The following ELOF1 variants were observed in gnomAD, a reference collection of about 807,000 sequenced individuals.
ELOF1 encodes transcription elongation factor 1 homolog.
ELOF1 carries 4 observed loss-of-function variants against 7.1 expected under a neutral mutation model. The observed-to-expected ratio is 0.56, with a 90% confidence interval of 0.28 to 1.29. ELOF1 has a LOEUF of 1.29. Among genes scored for constraint, ELOF1 ranks in the 50% most tolerant of loss-of-function variants. ELOF1 has a pLI of 0.10. For synonymous variants in ELOF1, 31 were observed against 31.9 expected (o/e 0.97, Z 0.09); for missense variants, 59 against 86.3 (o/e 0.68, Z 1.25).
At chr19:11,553,582 TACAC>T (rs57015096) in intron 3 of ELOF1, 72,532 of 594,622 alleles carry the variant, frequency 0.12, 1,597 homozygotes, top group South Asian at 0.14. Flanking sequence ...GCACACCCAC[TACAC>T]ACACACACAC....
intron 3 of ELOF1, chr19:11,553,667 CT>C (rs1419449635): frequency 1.3e-6 from 2 of 1,571,462 alleles, no homozygotes; most frequent in African/African-American, 2.7e-5. Flanking sequence ...CCCTGGACCC[CT>C]GGAATGTCTC....
intron 3 of ELOF1, chr19:11,553,392 G>T (rs770554948): frequency 2.2e-6 from 1 of 461,840 alleles, no homozygotes; most frequent in African/African-American, 1.9e-5. Flanking sequence ...GAGCCCCAAG[G>T]CTGGGGGGCC....
At chr19:11,553,547 CACT>C (rs1972765172) in intron 3 of ELOF1, 13 of 605,698 alleles carry the variant, frequency 2.1e-5, no homozygotes, top group Admixed American at 1.6e-4. Flanking sequence ...CACACACCCA[CACT>C]CACTCACACC....
intron 3 of ELOF1, chr19:11,553,769 C>A: frequency 6.2e-7 from 1 of 1,614,100 alleles, no homozygotes; most frequent in Non-Finnish European, 8.5e-7. Context: ...GCCTCGCAGG[C>A]GTCTATCCAA....
intron 3 of ELOF1, chr19:11,553,419 A>C (rs1972760565): frequency 4.0e-6 from 2 of 496,812 alleles, no homozygotes; most frequent in African/African-American, 3.8e-5. Context: ...TGCAGGGAAC[A>C]CAGCAAAGGC....
chr19:11,556,909 C>G (rs969305792), intron 1 of ELOF1, among the ~76,000 whole-genome samples: 1 of 152,182 alleles, frequency 6.6e-6, no homozygotes, highest in East Asian at 1.9e-4. Context: ...TCTGCCCTGG[C>G]TCCCATCCCC....
chr19:11,556,490 G>A (rs899942112), intron 1 of ELOF1, among the ~76,000 whole-genome samples: 6 of 151,992 alleles, frequency 3.9e-5, no homozygotes, highest in African/African-American at 1.5e-4. Context: ...TAGTAGAGAT[G>A]GGGTTTCACC....
chr19:11,555,356 C>A (rs1568421883), intron 1 of ELOF1: 1 of 153,004 alleles, frequency 6.5e-6, no homozygotes, highest in Non-Finnish European at 1.5e-5. Flanking sequence ...TAGCACAGAG[C>A]TGGCCCATCA....
rs1374775886 is a variant in ELOF1, at chr19:11,553,623, A to G, written c.187+388T>C. ...CACACACACACACACACACACACACACACACACACGGCTGTGACAGCCCAG... is the reference window on the plus strand; with the variant it reads ...CACACACACACACACACACACACACGCACACACACGGCTGTGACAGCCCAG... On this transcript the variant is annotated intron_variant, in intron 3 of 3. Coordinates refer to ENST00000586683, the Ensembl canonical transcript of ELOF1. The G allele has an allele frequency of 4.6e-6, 4 of 870,028 alleles. No individual in the cohort carries two copies. In the Admixed American group the frequency reaches 6.8e-5, roughly 15 times the overall value. The allele number at this position is 870,028 out of a possible 1,614,324, so 53.9% of individuals were successfully genotyped here.
intron 1 of ELOF1, chr19:11,555,850 C>T (rs1328948476): frequency 6.5e-6 from 1 of 152,992 alleles, no homozygotes; most frequent in East Asian, 1.9e-4. Context: ...GTGAGAGAGA[C>T]AGAGGAGACA....
intron 3 of ELOF1, chr19:11,553,599 A>C (rs547546794): frequency 3.7e-6 from 2 of 547,522 alleles, no homozygotes; most frequent in Non-Finnish European, 5.7e-6. Context: ...ACACACACAC[A>C]CACACACACA....
At chr19:11,553,792 T>C (rs201351097) in intron 3 of ELOF1, 1 of 1,614,186 alleles carries the variant, frequency 6.2e-7, no homozygotes, top group African/African-American at 1.3e-5. Flanking sequence ...ACTGTACACA[T>C]CCACGGGTTC....
intron 3 of ELOF1, 73 bp from the exon 4 acceptor site, chr19:11,553,883 A>G: frequency 6.2e-7 from 1 of 1,611,300 alleles, no homozygotes; most frequent in Non-Finnish European, 8.5e-7. Context: ...CACAGAAATC[A>G]CTAGGTGGCA....
At chr19:11,553,278 A>G (rs1972756827) in intron 3 of ELOF1, 2 of 399,570 alleles carry the variant, frequency 5.0e-6, no homozygotes, top group South Asian at 2.4e-4. Flanking sequence ...TGAGATGGGC[A>G]CGGTGCTGGT....
intron 3 of ELOF1, chr19:11,553,373 G>T (rs1427562181): frequency 8.8e-6 from 4 of 455,178 alleles, no homozygotes; most frequent in Non-Finnish European, 1.6e-5. Flanking sequence ...ATTCCGCCGG[G>T]GGGAGCCAGA....
intron 3 of ELOF1, chr19:11,553,590 CACACA>C: frequency 7.4e-6 from 1 of 134,468 alleles, no homozygotes; most frequent in Non-Finnish European, 1.3e-5. Flanking sequence ...ACTACACACA[CACACA>C]CACACACACA....
At chr19:11,553,550 T>TCA in intron 3 of ELOF1, 1 of 599,574 alleles carries the variant, frequency 1.7e-6, no homozygotes, top group Non-Finnish European at 2.8e-6. Flanking sequence ...ACACCCACAC[T>TCA]CACTCACACC....
intron 3 of ELOF1, 86 bp downstream of exon 3, chr19:11,553,925 C>T (rs748438124): frequency 1.2e-6 from 2 of 1,610,322 alleles, no homozygotes; most frequent in East Asian, 2.2e-5. Flanking sequence ...GGCCCTGCAC[C>T]AGGGCACACA....
In ELOF1 at chr19:11,554,093, C is replaced by A. The variant is rs1459150954; in HGVS notation, c.117-12G>T. The A allele has an allele frequency of 6.2e-7, 1 of 1,614,044 alleles. No individual in the cohort carries two copies. Among genetic ancestry groups the A allele is most frequent in the African/African-American group, 1.3e-5 (1 of 74,910 alleles). Reference sequence around the variant, plus strand: ...TGCGGGCACGGTCCCTGAAACAGACCAAGAGAAGGGACTGGTGAGCAATGC... The same window carrying A: ...TGCGGGCACGGTCCCTGAAACAGACAAAGAGAAGGGACTGGTGAGCAATGC... On this transcript the variant is annotated splice_polypyrimidine_tract_variant and intron_variant, in intron 2 of 3. Transcript: ENST00000586683.
Sources: allele counts gnomAD v4.1 joint callset (sites outside exome capture counted in the v4.1 genomes callset), GRCh38; gene constraint gnomAD v4.1.1; transcripts MANE v1.5; gene names NCBI Gene and HGNC (gene_info 2026-07-23, HGNC 2026-07-21).